The following MON2 variants were observed in gnomAD, a reference collection of about 807,000 sequenced individuals.
MON2 encodes the protein protein MON2 homolog.
Under a neutral mutation model 208.6 loss-of-function variants are expected in MON2, and 84 were observed. The observed-to-expected ratio is 0.40, with a 90% CI of 0.34 to 0.48. The LOEUF is 0.48. Among genes scored for constraint, MON2 ranks in the 20% least tolerant of loss-of-function variants. The pLI, the probability that MON2 is intolerant of heterozygous loss-of-function variation, is 0.59. For synonymous variants in MON2, 660 were observed against 694.0 expected (o/e 0.95, Z 0.77); for missense variants, 1,611 against 2,015.4 (o/e 0.80, Z 3.84).
rs1403937093 is a variant in MON2 at position 62,535,996 on chromosome 12, TATA to T, written c.1900+290_1900+292del. Among the ~76,000 whole-genome samples the T allele has an allele frequency of 9.9e-5, 15 of 152,192 alleles. No individual in the cohort carries two copies. The East Asian group carries it at 2.7e-3, about 27-fold the overall frequency. On this transcript the variant is annotated intron_variant, in intron 14 of 34. Coordinates refer to ENST00000393630, the MANE Select transcript of MON2 (RefSeq NM_015026.3). ...GATAAGTATATAATGTGAATAGGTA[TATA>T]ATGCAAACATAAGTATTTACAAATA...
At chr12:62,490,765 A>G (rs1026932185) in intron 2 of MON2, among the ~76,000 whole-genome samples, 1 of 152,112 alleles carries the variant, frequency 6.6e-6, no homozygotes, top group Admixed American at 6.5e-5. Context: ...TTATTCTTAT[A>G]TAAATTAGGA....
chr12:62,532,090 C>T (rs2072680002), intron 11 of MON2, among the ~76,000 whole-genome samples: 1 of 152,120 alleles, frequency 6.6e-6, no homozygotes, highest in South Asian at 2.1e-4. Flanking sequence ...ATTTTTAAGG[C>T]ACAAGTCAGA....
chr12:62,502,604 T>C (rs2070900272), intron 7 of MON2, among the ~76,000 whole-genome samples: 1 of 152,156 alleles, frequency 6.6e-6, no homozygotes, highest in Non-Finnish European at 1.5e-5. Context: ...GGAAATGTGG[T>C]ATGTGAGCTA....
At chr12:62,556,776 G>C (rs10784307) in intron 25 of MON2, among the ~76,000 whole-genome samples, 57,880 of 151,988 alleles carry the variant, frequency 0.38, 11,377 homozygotes, top group African/African-American at 0.47. Context: ...TGTAGAATGT[G>C]TTAGGAGAAA....
At chr12:62,479,168 T>C (rs1399526127) in intron 1 of MON2, among the ~76,000 whole-genome samples, 2 of 152,122 alleles carry the variant, frequency 1.3e-5, no homozygotes, top group African/African-American at 4.8e-5. Context: ...AATTTAGAAG[T>C]CTTCAGCAGT....
intron 34 of MON2, among the ~76,000 whole-genome samples, chr12:62,591,620 A>G (rs1247925743): frequency 3.9e-5 from 6 of 152,226 alleles, no homozygotes; most frequent in African/African-American, 7.2e-5. Flanking sequence ...TTTCCTAAGA[A>G]GTAAATTGAG....
chr12:62,575,920 C>G (rs533159822), intron 30 of MON2, among the ~76,000 whole-genome samples: 19 of 152,108 alleles, frequency 1.2e-4, no homozygotes, highest in Admixed American at 8.5e-4. Flanking sequence ...ATCTGTGGAC[C>G]TTACATTAAA....
At position 62,467,180 on chromosome 12, in the gene MON2, C is replaced by A; in HGVS notation, c.-28C>A. On this transcript the variant is annotated 5_prime_UTR_variant, in exon 1 of 35. Coordinates refer to ENST00000393630, the MANE Select transcript of MON2 (RefSeq NM_015026.3). ...CGTGCCAGAGCTTGTTTGTACCTCT[C>A]GGAAATTGGCTGGGACCTTGGAGGA... 1 of 1,599,664 alleles carries A rather than the reference C, an allele frequency of 6.3e-7. No individual in the cohort carries two copies. The highest frequency in any genetic ancestry group is 1.1e-5 in the South Asian group (1 of 90,674).
intron 31 of MON2, among the ~76,000 whole-genome samples, chr12:62,579,322 GTTCTTGTGGT>G (rs2074913977): frequency 6.6e-6 from 1 of 152,120 alleles, no homozygotes; most frequent in African/African-American, 2.4e-5. Context: ...TAAATAAGCA[GTTCTTGTGGT>G]TGTGGATTTT....
chr12:62,474,103 CT>C lies in MON2; in HGVS notation c.111+6790del, dbSNP rs1181947019. On this transcript the variant is annotated intron_variant, in intron 1 of 34. Transcript: ENST00000393630. ...TTCACATGCGTCAGTAGAACTTCTT[CT>C]TTTTCTTTTCTTTTCTTTTTTTTTT... is the stretch of plus-strand genomic sequence containing the variant. Among the ~76,000 whole-genome samples, 7 of 151,202 alleles carry C rather than the reference CT, an allele frequency of 4.6e-5. 1 individual carries two copies. Among genetic ancestry groups the C allele is most frequent in the African/African-American group, 1.7e-4 (7 of 41,260 alleles).
intron 8 of MON2, among the ~76,000 whole-genome samples, chr12:62,516,691 C>T (rs1253834557): frequency 6.6e-6 from 1 of 151,920 alleles, no homozygotes; most frequent in Non-Finnish European, 1.5e-5. Context: ...GCAACAAGAG[C>T]AAAACTCCAT....
chr12:62,477,045 G>A (rs2069125113), intron 1 of MON2, among the ~76,000 whole-genome samples: 1 of 152,106 alleles, frequency 6.6e-6, no homozygotes, highest in South Asian at 2.1e-4. Flanking sequence ...GGCCATTTGG[G>A]AGACTGAGGC....
At chr12:62,568,953 A>C (rs2136392023) in intron 29 of MON2, among the ~76,000 whole-genome samples, 1 of 152,160 alleles carries the variant, frequency 6.6e-6, no homozygotes, top group African/African-American at 2.4e-5. Context: ...ATGCCGAGCC[A>C]CTCAGTTTGT....
chr12:62,526,632 T>G (rs1203313196), intron 11 of MON2, among the ~76,000 whole-genome samples: 1 of 152,190 alleles, frequency 6.6e-6, no homozygotes, highest in Non-Finnish European at 1.5e-5. Flanking sequence ...GGATTCCATA[T>G]CTGTTATTTT....
Position 62,566,315 on chromosome 12 carries a change from T to G in MON2, c.4195-7T>G, listed in dbSNP as rs770881303. 198 of 1,603,530 alleles carry G rather than the reference T, an allele frequency of 1.2e-4. No homozygotes were observed. The highest frequency in any genetic ancestry group is 1.3e-4 in the Non-Finnish European group (153 of 1,177,006). On this transcript the variant is annotated splice_region_variant and splice_polypyrimidine_tract_variant and intron_variant, in intron 28 of 34. Coordinates refer to ENST00000393630, the MANE Select transcript of MON2 (RefSeq NM_015026.3). ...TTTTAACTGCATGTGAAAATATTAC[T>G]TTCTAGGCGGAATGGGTAGCCTTGA...
intron 1 of MON2, among the ~76,000 whole-genome samples, chr12:62,478,554 T>A (rs59832975): frequency 0.049 from 7,390 of 152,310 alleles, 208 homozygotes; most frequent in Middle Eastern, 0.075. Flanking sequence ...CACATTAAAT[T>A]AGTACAATTT....
At chr12:62,533,151 T>A (rs1479965404) in intron 12 of MON2, among the ~76,000 whole-genome samples, 1 of 152,224 alleles carries the variant, frequency 6.6e-6, no homozygotes, top group Non-Finnish European at 1.5e-5. Context: ...GTTGTGTTCC[T>A]TCATAATTAC....
chr12:62,531,255 G>C (rs1026828544), intron 11 of MON2, among the ~76,000 whole-genome samples: 2 of 151,614 alleles, frequency 1.3e-5, no homozygotes, highest in Non-Finnish European at 2.9e-5. Context: ...TTCCTTTGTT[G>C]CTTGTGCTTT....
At chr12:62,489,760 A>C (rs111479396) in intron 2 of MON2, among the ~76,000 whole-genome samples, 49 of 152,244 alleles carry the variant, frequency 3.2e-4, no homozygotes, top group Non-Finnish European at 5.9e-4. Context: ...GAAACTGCCT[A>C]GACTTTCATT....
Sources: gnomAD v4.1 joint callset for allele counts (sites outside exome capture counted in the v4.1 genomes callset) on GRCh38, gnomAD v4.1.1 for gene constraint, MANE v1.5 for transcripts, NCBI Gene and HGNC (gene_info 2026-07-23, HGNC 2026-07-21) for gene names.